LTBP3: variants seen among roughly 807,000 people sequenced by gnomAD.
LTBP3 encodes latent transforming growth factor beta binding protein 3.
LTBP3 carries 97 observed loss-of-function variants against 159.7 expected under a neutral mutation model. That is an observed-to-expected ratio of 0.61 (90% confidence interval 0.52 to 0.72). The LOEUF is 0.72. Among genes scored for constraint, LTBP3 ranks in the 30% least tolerant of loss-of-function variants. The probability of loss-of-function intolerance (pLI) is 0.00; values close to 1 mark genes in which losing one functional copy is unlikely to be tolerated. For synonymous variants in LTBP3, 824 were observed against 777.1 expected, an observed-to-expected ratio of 1.06 and a Z score of -1.00; for missense variants, 1,584 against 1,864.3, an observed-to-expected ratio of 0.85 and a Z score of 2.77.
rs562103028 is a variant in LTBP3, at chr11:65,555,064, G to A, written c.332-684C>T. The stretch of plus-strand genomic sequence containing the variant: ...CTGGCCACCAGGCATCCACAGCTGA[G>A]CCCCGACGGCTCCGTCCCTCCTGCT... On this transcript the variant is annotated intron_variant, in intron 1 of 27. Transcript: ENST00000301873. 4.7e-4 allele frequency among the ~76,000 whole-genome samples: 71 copies of A among 151,854 alleles called. 1 individual carries two copies. The South Asian group carries it at 0.013, about 28-fold the overall frequency.
At position 65,546,537 on chromosome 11, in the gene LTBP3, G is replaced by T; in HGVS notation, c.2258C>A (p.Pro753His). 6.2e-7 allele frequency: 1 copy of T among 1,602,286 alleles called. No homozygotes were observed. The part of the protein sequence containing the change: ...RDVNECAEGS[P>H]CSPGWCENLP... ...GTTCTCGCACCAGCCAGGCGAGCAG[G>T]GGCTGCCCTCGGCGCACTCGTTCAC... Residue 753 changes from proline to histidine, a missense_variant, in exon 16 of 28, where the codon CCC (proline) becomes CAC (histidine). Pro to His is a moderately conservative substitution (Grantham distance 77, BLOSUM62 -2). Around this residue, in one of 6 missense-constraint regions of LTBP3, gnomAD observed 565 missense variants for 677.7 expected, o/e 0.83. Coordinates refer to ENST00000301873, the MANE Select transcript of LTBP3 (RefSeq NM_001130144.3). The surrounding 1 kb of genome is among the most constrained non-coding windows in gnomAD (Gnocchi z 4.0).
At chr11:65,543,370 G>T (rs1856237311) in intron 17 of LTBP3, 57 bp downstream of exon 17, 1 of 1,612,474 alleles carries the variant, frequency 6.2e-7, no homozygotes, top group East Asian at 2.2e-5. Context: ...ACCCTGGGGG[G>T]TGGGGGTCCT....
chr11:65,540,203 C>T lies in LTBP3; in HGVS notation c.3244+42G>A. On this transcript the variant is annotated intron_variant, in intron 23 of 27. Coordinates refer to ENST00000301873, the MANE Select transcript of LTBP3 (RefSeq NM_001130144.3). ...GGGGCCGTCACAGCTCGGCCCGGGCCCCGCCCCTCCCGCGTACCCCACTCC... is the reference window on the plus strand; with the variant it reads ...GGGGCCGTCACAGCTCGGCCCGGGCTCCGCCCCTCCCGCGTACCCCACTCC... 1.9e-6 allele frequency: 3 copies of T among 1,544,524 alleles called. No homozygotes were observed. The Middle Eastern group carries it at 5.2e-4, about 266-fold the overall frequency.
chr11:65,548,704 C>A (rs962848767), intron 11 of LTBP3: 1 of 161,184 alleles, frequency 6.2e-6, no homozygotes, highest in African/African-American at 2.4e-5. Flanking sequence ...TTCCCACACC[C>A]CTTCCCCCTC....
rs1349297495 is a variant in LTBP3, at chr11:65,540,035, G to C, written c.3363C>G (p.Cys1121Trp). ...PWVPGPSGRD[C>W]QLPESPAERA... is the part of the protein sequence containing the mutation. The stretch of plus-strand genomic sequence containing the variant: ...CACCGGCCGGGCTCTCGGGGAGCTG[G>C]CAATCGCGGCCGGAGGGCCCGGGCA... Residue 1121 changes from cysteine (C) to tryptophan (W), a missense_variant, in exon 24 of 28, where the codon TGC (cysteine) becomes TGG (tryptophan). Cys to Trp is a radical substitution (Grantham distance 215). Transcript: ENST00000301873. The C allele has an allele frequency of 6.6e-7, 1 of 1,514,248 alleles. No homozygotes were observed. The highest frequency in any genetic ancestry group is 1.9e-4 in the Middle Eastern group (1 of 5,140). The allele number at this position is 1,514,248 out of a possible 1,614,324, so 93.8% of individuals were successfully genotyped here.
rs1856367499 is a variant in LTBP3 at position 65,546,362 on chromosome 11, T to C, written c.2353+80A>G. On this transcript the variant is annotated intron_variant, in intron 16 of 27. Coordinates refer to ENST00000301873, the MANE Select transcript of LTBP3 (RefSeq NM_001130144.3). The surrounding 1 kb of genome is among the most constrained non-coding windows in gnomAD (Gnocchi z 4.0). ...TGAATGAGCCACCTTCCACCCACTG[T>C]TTACAGACAGCGTGACCCGCTCCCC... is the stretch of plus-strand genomic sequence containing the variant. 6.9e-7 allele frequency: 1 copy of C among 1,453,888 alleles called. No homozygotes were observed. The highest frequency in any genetic ancestry group is 1.4e-5 in the African/African-American group (1 of 69,826). The allele number at this position is 1,453,888 out of a possible 1,614,324, so 90.1% of individuals were successfully genotyped here.
chr11:65,547,438 C>T lies in LTBP3; in HGVS notation c.2107+1G>A. Reference sequence around the variant, plus strand: ...CTTTGGTCTGAATGGGGTCCCCTCACCTTCGCACACAGGAGGCCGGGAGGC... The same window carrying T: ...CTTTGGTCTGAATGGGGTCCCCTCATCTTCGCACACAGGAGGCCGGGAGGC... On this transcript the variant is annotated splice_donor_variant, in intron 14 of 27. Transcript: ENST00000301873. LOFTEE classifies it high-confidence loss of function. This position sits in a 1 kb window ranked among gnomAD's most constrained non-coding sequence, Gnocchi z 4.6. The T allele has an allele frequency of 3.1e-6, 5 of 1,613,550 alleles. No individual in the cohort carries two copies. Among genetic ancestry groups the T allele is most frequent in the Non-Finnish European group, 4.2e-6 (5 of 1,179,978 alleles).
chr11:65,553,480 A>T lies in LTBP3; in HGVS notation c.915T>A (p.Gly305=). ...PGLTKQEDCC[G]SIGTAWGQSK... ...TCTGGCCCCAGGCAGTGCCGATGCT[A>T]CCGCAGCAGTCTTCCTGCTTGGTGA... The change falls in exon 4 of 28, where the codon GGT becomes GGA. Residue 305 remains glycine (G), a synonymous_variant. Transcript: ENST00000301873. This position sits in a 1 kb window ranked among gnomAD's most constrained non-coding sequence, Gnocchi z 6.5. 1 of 1,611,790 alleles carries T rather than the reference A, an allele frequency of 6.2e-7. No individual in the cohort carries two copies. The highest frequency in any genetic ancestry group is 2.2e-5 in the East Asian group (1 of 44,828).
At position 65,546,982 on chromosome 11, in the gene LTBP3, G is replaced by C. The variant is rs1157897280; in HGVS notation, c.2108-62C>G. ...GACAACGCGGGTGGCCCGGCTCCCA[G>C]CGTCCACAGCAGGGACTTCCTCCCA... On this transcript the variant is annotated intron_variant, in intron 14 of 27. Transcript: ENST00000301873. This position sits in a 1 kb window ranked among gnomAD's most constrained non-coding sequence, Gnocchi z 4.0. 1 of 1,600,146 alleles carries C rather than the reference G, an allele frequency of 6.2e-7. No individual in the cohort carries two copies. Among genetic ancestry groups the C allele is most frequent in the African/African-American group, 1.3e-5 (1 of 74,876 alleles).
Position 65,546,447 on chromosome 11 carries a change from C to A in LTBP3, c.2348G>T (p.Cys783Phe). The change falls in exon 16 of 28, where the codon TGC becomes TTC. Residue 783 changes from cysteine (C) to phenylalanine (F), a missense_variant. Around this residue, in one of 6 missense-constraint regions of LTBP3, gnomAD observed 565 missense variants for 677.7 expected, o/e 0.83. Transcript: ENST00000301873. This position sits in a 1 kb window ranked among gnomAD's most constrained non-coding sequence, Gnocchi z 4.0. The stretch of plus-strand genomic sequence containing the variant: ...GCGGGGGTGCTGGCGCTCACCCAAG[C>A]AACTGCGGCCGTCGGGCGCGGGCGC... ...GYAPAPDGRS[C>F]LDVDECEAGD... 1 of 1,561,514 alleles carries A rather than the reference C, an allele frequency of 6.4e-7. No homozygotes were observed. The highest frequency in any genetic ancestry group is 8.6e-7 in the Non-Finnish European group (1 of 1,160,860).
At chr11:65,557,445 C>T (rs988523664) in intron 1 of LTBP3, among the ~76,000 whole-genome samples, 184 bp downstream of exon 1, 1 of 152,056 alleles carries the variant, frequency 6.6e-6, no homozygotes, top group African/African-American at 2.4e-5. Context: ...CCATGCAGCC[C>T]TCCAACTCTG....
chr11:65,538,588 GGCTGCGGAGAGC>G lies in LTBP3; in HGVS notation c.*480_*491del. 2 of 1,603,916 alleles carry G rather than the reference GGCTGCGGAGAGC, an allele frequency of 1.2e-6. No individual in the cohort carries two copies. The highest frequency in any genetic ancestry group is 1.7e-6 in the Non-Finnish European group (2 of 1,175,506). On this transcript the variant is annotated 3_prime_UTR_variant, in exon 28 of 28. Transcript: ENST00000301873. ...CTGAACCGTGGCGGTGGCCCTTCCC[GGCTGCGGAGAGC>G]CCGCCCCACAGATGTATTTATTGTA...
In LTBP3 at chr11:65,553,966, T is replaced by C. The variant is rs960615125; in HGVS notation, c.662-63A>G. The C allele has an allele frequency of 3.2e-5, 50 of 1,556,264 alleles. No individual in the cohort carries two copies. Among genetic ancestry groups the C allele is most frequent in the Non-Finnish European group, 4.2e-5 (48 of 1,150,210 alleles). On this transcript the variant is annotated intron_variant, in intron 2 of 27. Coordinates refer to ENST00000301873, the MANE Select transcript of LTBP3 (RefSeq NM_001130144.3). The surrounding 1 kb of genome is among the most constrained non-coding windows in gnomAD (Gnocchi z 6.5). ...CGCGCCGCGGGTCACCGCGCTGAGC[T>C]CCTCCAGGGCTGAACCTGCCCTGCC...
chr11:65,540,630 C>T lies in LTBP3; in HGVS notation c.2978-16G>A, dbSNP rs747706536. On this transcript the variant is annotated splice_polypyrimidine_tract_variant and intron_variant, in intron 21 of 27. Transcript: ENST00000301873. ...TCGTCGATGTCTGCGGGGTGACAAA[C>T]ACTGGCCGCTCCGGTCCCGCAGCTG... The T allele has an allele frequency of 1.3e-6, 2 of 1,599,518 alleles. No individual in the cohort carries two copies. The highest frequency in any genetic ancestry group is 1.7e-6 in the Non-Finnish European group (2 of 1,172,560).
At chr11:65,542,369 G>A (rs1157545220) in intron 18 of LTBP3, 2 of 151,984 alleles carry the variant, frequency 1.3e-5, no homozygotes, top group Non-Finnish European at 2.9e-5. Context: ...AAAATAGTAG[G>A]TGCTCAATAA....
Position 65,547,956 on chromosome 11 carries a change from C to G in LTBP3, c.1810G>C (p.Gly604Arg). Reference protein sequence around the residue: ...PPDYSCHCNPGYRSHPQHRYC... With the variant: ...PPDYSCHCNPRYRSHPQHRYC... ...CGGTGCTGGGGATGTGACCGGTAGC[C>G]GGGGTTGCAGTGGCAGGAGTAGTCA... The change falls in exon 12 of 28, where the codon GGC (glycine) becomes CGC (arginine). Residue 604 changes from glycine to arginine, a missense_variant. This residue lies in a region of LTBP3 where 565 missense variants were observed against 677.7 expected (regional missense o/e 0.83). Transcript: ENST00000301873. This position sits in a 1 kb window ranked among gnomAD's most constrained non-coding sequence, Gnocchi z 4.6. 6.2e-7 allele frequency: 1 copy of G among 1,613,950 alleles called. No individual in the cohort carries two copies. Among genetic ancestry groups the G allele is most frequent in the Non-Finnish European group, 8.5e-7 (1 of 1,180,018 alleles).
At position 65,538,641 on chromosome 11, in the gene LTBP3, C is replaced by T. The variant is rs965622485; in HGVS notation, c.*439G>A. 3.1e-5 allele frequency: 47 copies of T among 1,502,862 alleles called. No homozygotes were observed. Among genetic ancestry groups the T allele is most frequent in the Non-Finnish European group, 4.0e-5 (45 of 1,119,338 alleles). 93.1% of individuals were successfully genotyped at this position (1,502,862 alleles called of 1,614,324 possible). On this transcript the variant is annotated 3_prime_UTR_variant, in exon 28 of 28. Coordinates refer to ENST00000301873, the MANE Select transcript of LTBP3 (RefSeq NM_001130144.3). ...ATTTATTGTACAAACCATGTGAGCC[C>T]GGCCGGCCCAGCCAGGCCATCTCAC... is the stretch of plus-strand genomic sequence containing the variant.
Position 65,554,016 on chromosome 11 carries a change from T to G in LTBP3, c.661+35A>C. ...CCTGGCCACCCTAGTGCCCACCCAC[T>G]GGCGACCTTCCCGGGTTTGCCAGTT... On this transcript the variant is annotated intron_variant, in intron 2 of 27. Transcript: ENST00000301873. This position sits in a 1 kb window ranked among gnomAD's most constrained non-coding sequence, Gnocchi z 5.3. 6.3e-7 allele frequency: 1 copy of G among 1,597,570 alleles called. No individual in the cohort carries two copies.
At position 65,540,402 on chromosome 11, in the gene LTBP3, G is replaced by C; in HGVS notation, c.3107-20C>G. On this transcript the variant is annotated intron_variant, in intron 22 of 27. Coordinates refer to ENST00000301873, the MANE Select transcript of LTBP3 (RefSeq NM_001130144.3). ...CCACGTCTGCAGGGAGGAAAAGCGT[G>C]GGTAGCAGGGGCAGGCCCGGGATGG... 6.2e-7 allele frequency: 1 copy of C among 1,604,996 alleles called. No homozygotes were observed. Among genetic ancestry groups the C allele is most frequent in the Admixed American group, 1.7e-5 (1 of 57,876 alleles).
Sources: allele counts gnomAD v4.1 joint callset (sites outside exome capture counted in the v4.1 genomes callset), GRCh38; gene constraint gnomAD v4.1.1; regional missense constraint gnomAD v4.1.1; non-coding constraint Gnocchi (gnomAD v3.1); transcripts MANE v1.5; gene names NCBI Gene and HGNC (gene_info 2026-07-23, HGNC 2026-07-21).